PDE1C: variants seen among roughly 807,000 people sequenced by gnomAD.
PDE1C encodes phosphodiesterase 1C, also known as dual specificity calcium/calmodulin-dependent 3',5'-cyclic nucleotide phosphodiesterase 1C.
Under a neutral mutation model 93.1 loss-of-function variants are expected in PDE1C, and 62 were observed. The observed-to-expected ratio is 0.67, with a 90% CI of 0.54 to 0.82. The LOEUF (loss-of-function observed/expected upper bound fraction) is 0.82. PDE1C is among the 40% of genes least tolerant of loss of function. The probability of loss-of-function intolerance (pLI) is 0.00; values close to 1 mark genes in which losing one functional copy is unlikely to be tolerated. For missense variants in PDE1C, 742 were observed against 884.6 expected (o/e 0.84, Z 2.04); for synonymous variants, 325 against 310.1 (o/e 1.05, Z -0.50).
intron 2 of PDE1C, among the ~76,000 whole-genome samples, chr7:31,973,927 G>C (rs1394630153): frequency 2.0e-5 from 3 of 152,168 alleles, no homozygotes; most frequent in African/African-American, 7.2e-5. Flanking sequence ...AATAATCCAG[G>C]ATTTAGTTCC....
At chr7:32,386,883 A>AT (rs570771487) in intron 1 of PDE1C, among the ~76,000 whole-genome samples, 6,794 of 146,686 alleles carry the variant, frequency 0.046, 218 homozygotes, top group African/African-American at 0.098. Context: ...TTTTATTTTT[A>AT]TTTTTTTTTT....
At chr7:31,998,026 A>ATTTATTTATTTT (rs1784956579) in intron 2 of PDE1C, among the ~76,000 whole-genome samples, 2 of 148,592 alleles carry the variant, frequency 1.3e-5, no homozygotes, top group African/African-American at 4.9e-5. Context: ...TTATTTATTT[A>ATTTATTTATTTT]TTTATTTTTT....
chr7:32,328,764 A>G (rs775541582), intron 1 of PDE1C, among the ~76,000 whole-genome samples: 8 of 152,142 alleles, frequency 5.3e-5, no homozygotes, highest in Non-Finnish European at 1.2e-4. Context: ...TCTCCTCTGC[A>G]ACGCTTACAC....
intron 2 of PDE1C, among the ~76,000 whole-genome samples, chr7:31,913,393 A>C (rs974684506): frequency 4.0e-5 from 6 of 151,396 alleles, no homozygotes; most frequent in African/African-American, 1.5e-4. Flanking sequence ...ATTCTATTAC[A>C]GAATGAATCA....
intron 17 of PDE1C, among the ~76,000 whole-genome samples, chr7:31,760,650 A>G (rs566469096): frequency 1.3e-5 from 2 of 152,076 alleles, no homozygotes; most frequent in East Asian, 3.9e-4. Context: ...CCTTAGTTTT[A>G]AACAAAAATA....
chr7:31,674,681 C>T, the PDE1C span, among the ~76,000 whole-genome samples: 1 of 152,092 alleles, frequency 6.6e-6, no homozygotes, highest in African/African-American at 2.4e-5. Flanking sequence ...AAAGAATGGA[C>T]TCTTTAAGAA....
At chr7:31,817,179 G>C (rs1253296256) in intron 14 of PDE1C, among the ~76,000 whole-genome samples, 1 of 152,124 alleles carries the variant, frequency 6.6e-6, no homozygotes, top group Non-Finnish European at 1.5e-5. Context: ...CAGCATAGGG[G>C]AGGGAAATTG....
At chr7:32,370,579 T>C (rs1784312122) in intron 1 of PDE1C, among the ~76,000 whole-genome samples, 2 of 151,418 alleles carry the variant, frequency 1.3e-5, no homozygotes, top group African/African-American at 2.4e-5. Flanking sequence ...TAGATGGGAA[T>C]TGAACAATGA....
intron 12 of PDE1C, among the ~76,000 whole-genome samples, chr7:31,826,651 T>C (rs1789700788): frequency 2.0e-5 from 3 of 152,192 alleles, no homozygotes; most frequent in Admixed American, 1.3e-4. Context: ...TGATACCTTA[T>C]GTGCCACCTC....
intron 1 of PDE1C, among the ~76,000 whole-genome samples, chr7:32,296,851 CCACCAA>C (rs1172103844): frequency 6.6e-6 from 1 of 152,166 alleles, no homozygotes. Flanking sequence ...CCCTTAGCAC[CCACCAA>C]CACCATTTGA....
At chr7:32,247,801 C>T (rs7808557) in intron 1 of PDE1C, among the ~76,000 whole-genome samples, 150,248 of 152,242 alleles carry the variant, frequency 0.99, 74,179 homozygotes, top group Middle Eastern at 1. Context: ...TGATGTTGAG[C>T]AGGTTAGATA....
At chr7:32,252,712 A>C (rs1260866269) in intron 1 of PDE1C, among the ~76,000 whole-genome samples, 2 of 152,252 alleles carry the variant, frequency 1.3e-5, no homozygotes, top group Non-Finnish European at 2.9e-5. Flanking sequence ...CTCGCAGCCC[A>C]GTGCTGCTCA....
At chr7:31,983,623 AT>A (rs66530561) in intron 2 of PDE1C, among the ~76,000 whole-genome samples, 23,005 of 151,928 alleles carry the variant, frequency 0.15, 1,995 homozygotes, top group Admixed American at 0.27. Context: ...TCTAAAAAAA[AT>A]AATAATTTTT....
At chr7:31,824,281 T>A (rs1476814028) in intron 13 of PDE1C, among the ~76,000 whole-genome samples, 1 of 152,136 alleles carries the variant, frequency 6.6e-6, no homozygotes, top group Non-Finnish European at 1.5e-5. Context: ...AACATATTTT[T>A]AATAACTTAT....
At chr7:31,979,599 C>G (rs924041750) in intron 2 of PDE1C, among the ~76,000 whole-genome samples, 2 of 152,172 alleles carry the variant, frequency 1.3e-5, no homozygotes, top group Non-Finnish European at 2.9e-5. Flanking sequence ...TTCAAACCCA[C>G]GCAGTCTGGC....
At chr7:31,696,810 A>G in the PDE1C span, among the ~76,000 whole-genome samples, 1 of 152,216 alleles carries the variant, frequency 6.6e-6, no homozygotes, top group East Asian at 1.9e-4. Flanking sequence ...CTCAATAAAT[A>G]CTAATGCTTC....
rs530704623 is a variant in PDE1C, at chr7:32,265,997, G to A, written c.85+32654C>T. 1.1e-4 allele frequency among the ~76,000 whole-genome samples: 13 copies of A among 119,160 alleles called. 1 individual carries two copies. Among genetic ancestry groups the A allele is most frequent in the South Asian group, 5.0e-4 (2 of 3,996 alleles). 78.2% of individuals were successfully genotyped at this position (119,160 alleles called of 152,430 possible). On this transcript the variant is annotated intron_variant, in intron 1 of 18. Transcript: ENST00000396193. ...ATGATCAAGAGAAGCAAAGGTGGCC[G>A]GGCGCGGTGGCTCACGCCTGTAATC... is the stretch of plus-strand genomic sequence containing the variant.
At chr7:31,924,015 G>C (rs955225710) in intron 2 of PDE1C, among the ~76,000 whole-genome samples, 4 of 152,070 alleles carry the variant, frequency 2.6e-5, no homozygotes, top group Non-Finnish European at 4.4e-5. Context: ...GCTCTGGTTT[G>C]AAACCAATAG....
chr7:31,683,738 A>AG, the PDE1C span, among the ~76,000 whole-genome samples: 1 of 152,230 alleles, frequency 6.6e-6, no homozygotes, highest in South Asian at 2.1e-4. Flanking sequence ...AACTACCCCT[A>AG]GATTGGCTAT....
Sources: allele counts gnomAD v4.1 joint callset (sites outside exome capture counted in the v4.1 genomes callset), GRCh38; gene constraint gnomAD v4.1.1; transcripts MANE v1.5; gene names NCBI Gene and HGNC (gene_info 2026-07-23, HGNC 2026-07-21).